CDH13: variants seen among roughly 807,000 people sequenced by gnomAD.
CDH13 encodes cadherin-13.
CDH13 carries 24 observed loss-of-function variants against 63.8 expected under a neutral mutation model. The observed-to-expected ratio is 0.38, with a 90% CI of 0.27 to 0.53. The LOEUF (loss-of-function observed/expected upper bound fraction) is 0.53, where lower values mean the gene tolerates loss of function less well. Ranked by LOEUF, CDH13 falls within the 20% of genes least tolerant of loss-of-function variation. The pLI, the probability that CDH13 is intolerant of heterozygous loss-of-function variation, is 0.85. For missense variants in CDH13, 1,049 were observed against 903.1 expected (o/e 1.16, Z -2.07); for synonymous variants, 503 against 355.3 (o/e 1.42, Z -4.67).
chr16:83,361,941 T>C (rs2091170246), intron 6 of CDH13, among the ~76,000 whole-genome samples: 1 of 152,178 alleles, frequency 6.6e-6, no homozygotes, highest in Admixed American at 6.6e-5. Flanking sequence ...ATTTTAATAG[T>C]TTTTCTAATT....
rs113002455 is a variant in CDH13 at position 83,264,339 on chromosome 16, A to G, written c.636+46842A>G. ...CTCAAATCTTTGTTTATGAATTTTTATCAATCTCTGACTTTTCCAACTTGG... is the reference window on the plus strand; with the variant it reads ...CTCAAATCTTTGTTTATGAATTTTTGTCAATCTCTGACTTTTCCAACTTGG... On this transcript the variant is annotated intron_variant, in intron 5 of 13. Coordinates refer to ENST00000567109, the MANE Select transcript of CDH13 (RefSeq NM_001257.5). Among the ~76,000 whole-genome samples, 167 of 152,292 alleles carry G rather than the reference A, an allele frequency of 1.1e-3. 2 individuals are homozygous for G. The highest frequency in any genetic ancestry group is 3.7e-3 in the African/African-American group (154 of 41,572).
At chr16:83,510,114 C>T (rs942672904) in intron 7 of CDH13, among the ~76,000 whole-genome samples, 11 of 152,128 alleles carry the variant, frequency 7.2e-5, no homozygotes, top group African/African-American at 1.4e-4. Context: ...ACGAGTCTGA[C>T]GGCTTTTTCT....
chr16:83,644,252 A>G (rs1390606810), intron 8 of CDH13, among the ~76,000 whole-genome samples: 3 of 152,222 alleles, frequency 2.0e-5, no homozygotes, highest in East Asian at 3.9e-4. Context: ...ATGGTCCAAT[A>G]TAACGGATTT....
intron 4 of CDH13, among the ~76,000 whole-genome samples, chr16:83,173,574 C>T (rs558043836): frequency 6.6e-6 from 1 of 152,038 alleles, no homozygotes; most frequent in South Asian, 2.1e-4. Flanking sequence ...TAAGCACATC[C>T]CAACTATTGC....
chr16:83,563,879 T>A (rs1310749224), intron 7 of CDH13, among the ~76,000 whole-genome samples: 1 of 152,184 alleles, frequency 6.6e-6, no homozygotes, highest in Non-Finnish European at 1.5e-5. Context: ...ATGGGTCGTT[T>A]TGTTTATTCC....
intron 2 of CDH13, among the ~76,000 whole-genome samples, chr16:83,029,841 T>C (rs1036508926): frequency 5.3e-5 from 8 of 152,220 alleles, no homozygotes; most frequent in Admixed American, 1.3e-4. Context: ...ATTTATGTGC[T>C]TATATGTGTC....
intron 1 of CDH13, among the ~76,000 whole-genome samples, chr16:82,787,804 T>C (rs1381557972): frequency 1.2e-5 from 1 of 81,498 alleles, no homozygotes; most frequent in Non-Finnish European, 2.6e-5. Context: ...AATTAAGTTG[T>C]ATTCCACGGA....
intron 3 of CDH13, among the ~76,000 whole-genome samples, chr16:83,034,639 C>T (rs1278350828): frequency 6.6e-6 from 1 of 152,174 alleles, no homozygotes; most frequent in African/African-American, 2.4e-5. Context: ...GGCTTGAATG[C>T]ATTTAGATGG....
chr16:83,709,385 C>A (rs867012657), intron 10 of CDH13, among the ~76,000 whole-genome samples: 96 of 152,282 alleles, frequency 6.3e-4, no homozygotes, highest in Middle Eastern at 3.4e-3. Flanking sequence ...TATGAGGGTT[C>A]CCCCAGCGGA....
chr16:82,675,874 G>C (rs58010448), intron 1 of CDH13, among the ~76,000 whole-genome samples: 24,548 of 152,060 alleles, frequency 0.16, 2,374 homozygotes, highest in East Asian at 0.41. Flanking sequence ...CTCTTTCCGC[G>C]CTAAGCAGTT....
intron 1 of CDH13, among the ~76,000 whole-genome samples, chr16:82,770,850 AG>A (rs1437770999): frequency 5.9e-5 from 9 of 151,956 alleles, no homozygotes; most frequent in Non-Finnish European, 8.8e-5. Context: ...TGGGACTAAA[AG>A]CGCACACTGC....
intron 6 of CDH13, among the ~76,000 whole-genome samples, chr16:83,419,864 C>T (rs775546031): frequency 3.9e-5 from 6 of 151,966 alleles, no homozygotes; most frequent in Non-Finnish European, 8.8e-5. Flanking sequence ...CTGTATTACA[C>T]ATTCAGCTCT....
intron 1 of CDH13, among the ~76,000 whole-genome samples, chr16:82,703,836 C>A (rs1402323826): frequency 6.6e-6 from 1 of 152,122 alleles, no homozygotes; most frequent in Non-Finnish European, 1.5e-5. Flanking sequence ...CCTTAGGAAG[C>A]TGGTCATTCA....
intron 4 of CDH13, among the ~76,000 whole-genome samples, chr16:83,143,943 G>A (rs778989585): frequency 1.3e-5 from 2 of 152,092 alleles, no homozygotes; most frequent in Non-Finnish European, 2.9e-5. Flanking sequence ...AACATAGTGA[G>A]ACGAGACAGA....
intron 1 of CDH13, among the ~76,000 whole-genome samples, chr16:82,640,754 A>G (rs895374472): frequency 2.0e-5 from 3 of 152,216 alleles, no homozygotes; most frequent in African/African-American, 7.2e-5. Context: ...GTCACATATC[A>G]CTAGATTATT....
rs142636755 is a variant in CDH13, at chr16:83,559,088, A to G, written c.961-43366A>G. Among the ~76,000 whole-genome samples the G allele has an allele frequency of 3.0e-4, 46 of 152,302 alleles. 1 individual carries two copies. The highest frequency in any genetic ancestry group is 6.8e-3 in the Middle Eastern group (2 of 294). ...GAACTCCTTTCTTTTAAACACTGCT[A>G]TCATGTTAAGATCCACTGCCAGGAA... On this transcript the variant is annotated intron_variant, in intron 7 of 13. Transcript: ENST00000567109.
chr16:83,012,188 A>G (rs1361926094), intron 2 of CDH13, among the ~76,000 whole-genome samples: 6 of 152,184 alleles, frequency 3.9e-5, no homozygotes, highest in African/African-American at 7.2e-5. Flanking sequence ...TTTAAACACA[A>G]TATTTTTCTG....
At chr16:83,794,390 A>G (rs1354619497) in intron 13 of CDH13, among the ~76,000 whole-genome samples, 2 of 151,870 alleles carry the variant, frequency 1.3e-5, no homozygotes, top group Non-Finnish European at 2.9e-5. Flanking sequence ...CCATCTCTAT[A>G]AAAAATGCAA....
chr16:83,105,185 C>T (rs9928314), intron 3 of CDH13, among the ~76,000 whole-genome samples: 109,301 of 152,090 alleles, frequency 0.72, 40,055 homozygotes, highest in African/African-American at 0.83. Context: ...AAAACTCAAT[C>T]TGGGGCCTGC....
Sources: allele counts gnomAD v4.1 joint callset (sites outside exome capture counted in the v4.1 genomes callset), GRCh38; gene constraint gnomAD v4.1.1; transcripts MANE v1.5; gene names NCBI Gene and HGNC (gene_info 2026-07-23, HGNC 2026-07-21).